Variants in CLEC9A observed in about 807,000 individuals in gnomAD.
The protein encoded by CLEC9A is C-type lectin domain family 9 member A.
CLEC9A carries 24 observed loss-of-function variants against 30.0 expected under a neutral mutation model. The ratio of observed to expected loss-of-function variants is 0.80; its 90% CI spans 0.58 to 1.13. CLEC9A has a LOEUF of 1.13. Ranked by LOEUF, CLEC9A falls within the 50% of genes most tolerant of loss-of-function variation. CLEC9A has a pLI of 0.00. For synonymous variants in CLEC9A, 111 were observed against 96.8 expected, an observed-to-expected ratio of 1.15 and a Z score of -0.86; for missense variants, 251 against 280.9, an observed-to-expected ratio of 0.89 and a Z score of 0.76.
At chr12:10,057,520 T>C (rs1865953532) in intron 5 of CLEC9A, among the ~76,000 whole-genome samples, 1 of 151,956 alleles carries the variant, frequency 6.6e-6, no homozygotes, top group Non-Finnish European at 1.5e-5. Context: ...AATTATGTCA[T>C]ATTTATATAA....
intron 1 of CLEC9A, among the ~76,000 whole-genome samples, chr12:10,035,255 G>A (rs1414284950): frequency 6.6e-6 from 1 of 152,174 alleles, no homozygotes; most frequent in African/African-American, 2.4e-5. Context: ...GGGGACATGC[G>A]GGCCAGGATG....
At chr12:10,035,510 T>C (rs1482542686) in intron 1 of CLEC9A, among the ~76,000 whole-genome samples, 3 of 152,360 alleles carry the variant, frequency 2.0e-5, no homozygotes, top group African/African-American at 7.2e-5. Context: ...CTATGAATCC[T>C]CAATTCAAAT....
Position 10,061,126 on chromosome 12 carries a change from G to C in CLEC9A, c.173-1G>C, listed in dbSNP as rs771353354. ...TTAGGAATGATTGCTATCATGTGAAGTGTTGCAGGTGTCCACCATTGCGAT... is the reference window on the plus strand; with the variant it reads ...TTAGGAATGATTGCTATCATGTGAACTGTTGCAGGTGTCCACCATTGCGAT... On this transcript the variant is annotated splice_acceptor_variant, in intron 5 of 8. Coordinates refer to ENST00000355819, the MANE Select transcript of CLEC9A (RefSeq NM_207345.4). LOFTEE classifies it high-confidence loss of function. 7.5e-6 allele frequency: 12 copies of C among 1,608,792 alleles called. No homozygotes were observed. In the South Asian group the frequency reaches 8.9e-5, roughly 12 times the overall value.
intron 4 of CLEC9A, among the ~76,000 whole-genome samples, chr12:10,053,831 T>C (rs892672505): frequency 1.3e-5 from 2 of 152,212 alleles, no homozygotes; most frequent in African/African-American, 2.4e-5. Flanking sequence ...AAGTATATAT[T>C]TAAAATGTGT....
rs1268367937 is a variant in CLEC9A at position 10,052,776 on chromosome 12, C to T, written c.89C>T (p.Ser30Leu). Residue 30 changes from serine (S) to leucine (L), a missense_variant and splice_region_variant, in exon 4 of 9, where the codon TCA becomes TTA. Coordinates refer to ENST00000355819, the MANE Select transcript of CLEC9A (RefSeq NM_207345.4). ...YQKCLSSNKC[S>L]GACCLVMVIS... is the part of the protein sequence containing the mutation. ...AAATGTCTGTCTTCCAACAAATGTT[C>T]AGGTAACCAGTTCTAACTATTTTGT... 4 of 1,613,202 alleles carry T rather than the reference C, an allele frequency of 2.5e-6. No individual in the cohort carries two copies. Among genetic ancestry groups the T allele is most frequent in the Non-Finnish European group, 2.5e-6 (3 of 1,179,606 alleles).
intron 5 of CLEC9A, among the ~76,000 whole-genome samples, chr12:10,055,744 A>G (rs1310913401): frequency 6.6e-6 from 1 of 152,056 alleles, no homozygotes; most frequent in African/African-American, 2.4e-5. Flanking sequence ...CATATACTAC[A>G]TAATAAGGAT....
intron 2 of CLEC9A, among the ~76,000 whole-genome samples, chr12:10,043,791 C>T (rs1306198291): frequency 6.6e-6 from 1 of 152,026 alleles, no homozygotes; most frequent in Non-Finnish European, 1.5e-5. Context: ...AAGTGAGTCT[C>T]ATGCCTCAGC....
chr12:10,061,050 G>A (rs1865992044), intron 5 of CLEC9A, 77 bp from the exon 6 acceptor site: 1 of 1,484,500 alleles, frequency 6.7e-7, no homozygotes, highest in African/African-American at 1.4e-5. Context: ...ATTTGTACTT[G>A]TCTTTAGTCT....
In CLEC9A at chr12:10,065,485, G is replaced by A; in HGVS notation, c.594-15G>A. On this transcript the variant is annotated splice_polypyrimidine_tract_variant and intron_variant, in intron 8 of 8. Coordinates refer to ENST00000355819, the MANE Select transcript of CLEC9A (RefSeq NM_207345.4). ...TCCCAAGTCTAACCTCAGAAATGTT[G>A]ACTTGCTTTTCCAGGTTGCCAGCAG... 1.9e-6 allele frequency: 3 copies of A among 1,613,308 alleles called. No individual in the cohort carries two copies. The highest frequency in any genetic ancestry group is 2.5e-6 in the Non-Finnish European group (3 of 1,179,572).
In CLEC9A at chr12:10,039,852, C is replaced by T. The variant is rs548918051; in HGVS notation, c.-317-1614C>T. ...TATTTATTTATTTGAAACAAAGTTC[C>T]GCTCTTTCACCCAGGCTGGAGTTGC... On this transcript the variant is annotated intron_variant, in intron 1 of 8. Transcript: ENST00000355819. Among the ~76,000 whole-genome samples the T allele has an allele frequency of 2.5e-3, 188 of 76,470 alleles. 1 individual carries two copies. The highest frequency in any genetic ancestry group is 6.8e-3 in the South Asian group (12 of 1,770). 50.2% of individuals were successfully genotyped at this position (76,470 alleles called of 152,430 possible). A position where few individuals can be genotyped will look rare whatever the true frequency, so the allele number is the denominator to read the frequency against.
chr12:10,044,953 T>C lies in CLEC9A; in HGVS notation c.-163+3333T>C, dbSNP rs181745268. Among the ~76,000 whole-genome samples, 191 of 152,330 alleles carry C rather than the reference T, an allele frequency of 1.3e-3. 1 individual carries two copies. Among genetic ancestry groups the C allele is most frequent in the African/African-American group, 4.4e-3 (182 of 41,584 alleles). ...TCGTGATAAACGGTCTAGAAGAGAA[T>C]AAAGATAAGTTAACAGCCATTACAA... On this transcript the variant is annotated intron_variant, in intron 2 of 8. Coordinates refer to ENST00000355819, the MANE Select transcript of CLEC9A (RefSeq NM_207345.4).
intron 2 of CLEC9A, among the ~76,000 whole-genome samples, chr12:10,046,189 C>T (rs1357826385): frequency 6.6e-6 from 1 of 152,166 alleles, no homozygotes; most frequent in East Asian, 1.9e-4. Context: ...CACAGTTCTA[C>T]AACTTAAAAT....
chr12:10,061,649 T>C (rs980309302), intron 6 of CLEC9A, among the ~76,000 whole-genome samples: 2 of 152,230 alleles, frequency 1.3e-5, no homozygotes, highest in African/African-American at 4.8e-5. Context: ...TTGTTTTAGA[T>C]TCAAGTTTAG....
intron 2 of CLEC9A, among the ~76,000 whole-genome samples, chr12:10,048,174 A>T (rs1265781211): frequency 6.6e-6 from 1 of 150,708 alleles, no homozygotes; most frequent in Non-Finnish European, 1.5e-5. Context: ...CGGAGCTTGC[A>T]GTGAGCCGAG....
Position 10,064,312 on chromosome 12 carries a change from C to T in CLEC9A, c.472-420C>T, listed in dbSNP as rs555599011. Among the ~76,000 whole-genome samples the T allele has an allele frequency of 2.6e-4, 40 of 152,270 alleles. 1 individual carries two copies. In the South Asian group the frequency reaches 2.9e-3, roughly 11 times the overall value. On this transcript the variant is annotated intron_variant, in intron 7 of 8. Transcript: ENST00000355819. Reference sequence around the variant, plus strand: ...ATTAGAAATGCTTCTTCTAACCGAACGTGCTCATAGTTAAGTTGCTCCTGG... The same window carrying T: ...ATTAGAAATGCTTCTTCTAACCGAATGTGCTCATAGTTAAGTTGCTCCTGG...
intron 1 of CLEC9A, among the ~76,000 whole-genome samples, chr12:10,034,138 T>C (rs1283994314): frequency 6.6e-6 from 1 of 152,246 alleles, no homozygotes; most frequent in Non-Finnish European, 1.5e-5. Context: ...GATCAACACT[T>C]ACTTGCCCTG....
chr12:10,064,444 A>T (rs1392424248), intron 7 of CLEC9A, among the ~76,000 whole-genome samples: 1 of 152,162 alleles, frequency 6.6e-6, no homozygotes, highest in African/African-American at 2.4e-5. Flanking sequence ...GTTCAGTATA[A>T]CACTTTCTTT....
intron 1 of CLEC9A, 69 bp from the exon 2 acceptor site, chr12:10,041,397 A>G (rs528906351): frequency 1.7e-5 from 5 of 302,938 alleles, no homozygotes; most frequent in Admixed American, 7.8e-5. Flanking sequence ...TGCAGAATAC[A>G]TGGAATGTAG....
chr12:10,061,327 C>T lies in CLEC9A; in HGVS notation c.319+54C>T, dbSNP rs1312118327. The stretch of plus-strand genomic sequence containing the variant: ...ATACATCTAAATATATACACCAATA[C>T]CTCAAAAGAAACAGTGACACACATT... On this transcript the variant is annotated intron_variant, in intron 6 of 8. Transcript: ENST00000355819. 4.1e-6 allele frequency: 6 copies of T among 1,476,904 alleles called. No individual in the cohort carries two copies. In the Admixed American group the frequency reaches 7.5e-5, roughly 18 times the overall value. The allele number at this position is 1,476,904 out of a possible 1,614,324, so 91.5% of individuals were successfully genotyped here.
Sources: gnomAD v4.1 joint callset for allele counts (sites outside exome capture counted in the v4.1 genomes callset) on GRCh38, gnomAD v4.1.1 for gene constraint, MANE v1.5 for transcripts, NCBI Gene and HGNC (gene_info 2026-07-23, HGNC 2026-07-21) for gene names.